The following TESK2 variants were observed in gnomAD, a reference collection of about 807,000 sequenced individuals.
TESK2 encodes the protein testis associated actin remodelling kinase 2, also known as dual specificity testis-specific protein kinase 2.
In TESK2, 39 loss-of-function variants were observed where a neutral mutation model predicts 57.1. The observed-to-expected ratio is 0.68, with a 90% CI of 0.53 to 0.89. The LOEUF (loss-of-function observed/expected upper bound fraction) is 0.89, where lower values mean the gene tolerates loss of function less well. Among genes scored for constraint, TESK2 ranks in the 40% least tolerant of loss-of-function variants. The pLI is 0.00. For missense variants in TESK2, 646 were observed against 732.1 expected, an observed-to-expected ratio of 0.88 and a Z score of 1.36; for synonymous variants, 249 against 267.9, an observed-to-expected ratio of 0.93 and a Z score of 0.69.
At chr1:45,367,288 G>A (rs1263482121) in intron 4 of TESK2, among the ~76,000 whole-genome samples, 1 of 152,086 alleles carries the variant, frequency 6.6e-6, no homozygotes, top group Non-Finnish European at 1.5e-5. Flanking sequence ...CCCAAGTAAT[G>A]CATACACAGC....
rs142614260 is a variant in TESK2 at position 45,361,069 on chromosome 1, C to T, written c.394-5620G>A. 2.4e-3 allele frequency among the ~76,000 whole-genome samples: 359 copies of T among 152,294 alleles called. 7 individuals are homozygous for T. In the East Asian group the frequency reaches 0.032, roughly 13 times the overall value. On this transcript the variant is annotated intron_variant, in intron 4 of 10. Coordinates refer to ENST00000372086, the MANE Select transcript of TESK2 (RefSeq NM_007170.3). ...CTGACCTCAGGTGATCCACCCGCCTCAGCCTCCCAAAGTGCTAGGATTACA... is the reference window on the plus strand; with the variant it reads ...CTGACCTCAGGTGATCCACCCGCCTTAGCCTCCCAAAGTGCTAGGATTACA...
At chr1:45,458,636 T>C (rs763007015) in intron 1 of TESK2, among the ~76,000 whole-genome samples, 15 of 151,596 alleles carry the variant, frequency 9.9e-5, no homozygotes, top group Non-Finnish European at 1.5e-4. Flanking sequence ...TACCAATCAA[T>C]ACCCTTTATA....
At chr1:45,370,397 C>G (rs1648125034) in intron 4 of TESK2, among the ~76,000 whole-genome samples, 1 of 152,126 alleles carries the variant, frequency 6.6e-6, no homozygotes, top group Non-Finnish European at 1.5e-5. Context: ...TTTATTCAAT[C>G]AACAAATATG....
At chr1:45,452,782 T>C (rs1464874912) in intron 2 of TESK2, among the ~76,000 whole-genome samples, 1 of 150,994 alleles carries the variant, frequency 6.6e-6, no homozygotes, top group East Asian at 1.9e-4. Context: ...CTGAGTGCAG[T>C]GGCTCATGCC....
At chr1:45,431,893 A>G (rs1167035719) in intron 2 of TESK2, among the ~76,000 whole-genome samples, 1 of 152,198 alleles carries the variant, frequency 6.6e-6, no homozygotes, top group Non-Finnish European at 1.5e-5. Context: ...TGGTGGGTAC[A>G]TGTTAAGGAA....
At chr1:45,467,173 A>G (rs1424866800) in intron 1 of TESK2, among the ~76,000 whole-genome samples, 2 of 152,146 alleles carry the variant, frequency 1.3e-5, no homozygotes, top group Admixed American at 6.6e-5. Flanking sequence ...ACTGCCAATA[A>G]TATTTTTGTT....
intron 2 of TESK2, among the ~76,000 whole-genome samples, chr1:45,432,578 C>T (rs1651017247): frequency 6.7e-6 from 1 of 149,998 alleles, no homozygotes; most frequent in South Asian, 2.1e-4. Context: ...GTAGTCCCAG[C>T]TACTCGGGAG....
chr1:45,391,406 G>T (rs950395216), intron 3 of TESK2, among the ~76,000 whole-genome samples: 2 of 151,950 alleles, frequency 1.3e-5, no homozygotes, highest in African/African-American at 4.8e-5. Context: ...TTTAAATAGA[G>T]CTGGGGTCTT....
At chr1:45,441,170 TTTTG>T (rs1195871152) in intron 2 of TESK2, among the ~76,000 whole-genome samples, 11 of 152,230 alleles carry the variant, frequency 7.2e-5, no homozygotes, top group Middle Eastern at 6.8e-3. Context: ...AATTTTGTTT[TTTTG>T]TTTGTTTGTT....
In TESK2 at chr1:45,436,178, C is replaced by CTTTT. The variant is rs1557573084; in HGVS notation, c.223-14333_223-14332insAAAA. Among the ~76,000 whole-genome samples the CTTTT allele has an allele frequency of 2.9e-3, 37 of 12,920 alleles. 2 individuals carry two copies. The highest frequency in any genetic ancestry group is 7.9e-3 in the South Asian group (2 of 254). 8.5% of individuals were successfully genotyped at this position (12,920 alleles called of 152,430 possible). ...TTTCTGTGAAAAATGACATTGGTAT[C>CTTTT]TTCTTTTTTTTTTTTTTTTTTTTTG... On this transcript the variant is annotated intron_variant, in intron 2 of 10. Transcript: ENST00000372086.
At chr1:45,358,842 T>C (rs544249139) in intron 4 of TESK2, among the ~76,000 whole-genome samples, 1 of 152,316 alleles carries the variant, frequency 6.6e-6, no homozygotes, top group Non-Finnish European at 1.5e-5. Flanking sequence ...TGGCAGACTC[T>C]GCAGTCTGGC....
At chr1:45,488,153 A>T (rs1204400848) in intron 1 of TESK2, among the ~76,000 whole-genome samples, 2 of 152,066 alleles carry the variant, frequency 1.3e-5, no homozygotes, top group East Asian at 3.9e-4. Context: ...GGCTCAAGCG[A>T]TCCTCCCACT....
chr1:45,401,240 T>C (rs1232507030), intron 3 of TESK2, among the ~76,000 whole-genome samples: 1 of 151,150 alleles, frequency 6.6e-6, no homozygotes, highest in Admixed American at 6.6e-5. Context: ...CTACTAAAAA[T>C]ATAAAAATTA....
intron 3 of TESK2, among the ~76,000 whole-genome samples, chr1:45,399,667 C>A (rs2149279732): frequency 6.6e-6 from 1 of 152,166 alleles, no homozygotes; most frequent in African/African-American, 2.4e-5. Context: ...CCAGGCTGGT[C>A]TTGAACTCCT....
intron 3 of TESK2, among the ~76,000 whole-genome samples, chr1:45,386,663 C>T (rs867795567): frequency 6.7e-6 from 1 of 150,364 alleles, no homozygotes; most frequent in South Asian, 2.1e-4. Flanking sequence ...GGTTTTGTTG[C>T]TTTTTTTTTG....
intron 3 of TESK2, among the ~76,000 whole-genome samples, chr1:45,418,125 T>A (rs1650324272): frequency 6.6e-6 from 1 of 152,226 alleles, no homozygotes; most frequent in Admixed American, 6.5e-5. Context: ...ATGCTGAGAT[T>A]AAGGGCAAGT....
At chr1:45,371,295 T>C (rs918272085) in intron 4 of TESK2, among the ~76,000 whole-genome samples, 1 of 152,188 alleles carries the variant, frequency 6.6e-6, no homozygotes, top group Admixed American at 6.5e-5. Context: ...CAAAGAGATA[T>C]TTGCATACCC....
intron 3 of TESK2, among the ~76,000 whole-genome samples, chr1:45,388,292 C>A (rs913084493): frequency 2.0e-5 from 3 of 152,138 alleles, no homozygotes; most frequent in African/African-American, 7.2e-5. Flanking sequence ...TTCTAGTCAG[C>A]CTCTTTTAGA....
intron 2 of TESK2, among the ~76,000 whole-genome samples, chr1:45,428,433 T>A (rs1024181952): frequency 6.6e-6 from 1 of 152,206 alleles, no homozygotes; most frequent in Admixed American, 6.5e-5. Context: ...TGTATGTATC[T>A]CACAACATGG....
Sources: gnomAD v4.1 joint callset for allele counts (sites outside exome capture counted in the v4.1 genomes callset) on GRCh38, gnomAD v4.1.1 for gene constraint, MANE v1.5 for transcripts, NCBI Gene and HGNC (gene_info 2026-07-23, HGNC 2026-07-21) for gene names.